PARD6G: variants seen among roughly 807,000 people sequenced by gnomAD.
PARD6G encodes par-6 family cell polarity regulator gamma.
A neutral mutation model predicts 10.7 loss-of-function variants in PARD6G; 7 were observed. That is an observed-to-expected ratio of 0.66 (90% CI 0.37 to 1.23). PARD6G has a LOEUF of 1.23. Ranked by LOEUF, PARD6G falls within the 50% of genes most tolerant of loss-of-function variation. The probability of loss-of-function intolerance (pLI) is 0.02; values close to 1 mark genes in which losing one functional copy is unlikely to be tolerated. For missense variants in PARD6G, 548 were observed against 571.8 expected, an observed-to-expected ratio of 0.96 and a Z score of 0.42; for synonymous variants, 287 against 269.4, an observed-to-expected ratio of 1.07 and a Z score of -0.64.
intron 1 of PARD6G, among the ~76,000 whole-genome samples, chr18:80,232,174 C>T (rs955852805): frequency 6.6e-6 from 1 of 152,062 alleles, no homozygotes. Context: ...GGTTCTGCCC[C>T]CGCCCCCCAA....
rs777547687 is a variant in PARD6G, at chr18:80,180,601, T to C, written c.296-19995A>G. Among the ~76,000 whole-genome samples, 3 of 152,210 alleles carry C rather than the reference T, an allele frequency of 2.0e-5. No homozygotes were observed. Among genetic ancestry groups the C allele is most frequent in the Non-Finnish European group, 4.4e-5 (3 of 68,012 alleles). On this transcript the variant is annotated intron_variant, in intron 2 of 2. Coordinates refer to ENST00000353265, the MANE Select transcript of PARD6G (RefSeq NM_032510.4). The surrounding 1 kb of genome is among the most constrained non-coding windows in gnomAD (Gnocchi z 5.6). ...AATCACATTCTCAAGCTTAACTGTCTCTATGGCACCGCAAATGGCAGGGCT... is the reference window on the plus strand; with the variant it reads ...AATCACATTCTCAAGCTTAACTGTCCCTATGGCACCGCAAATGGCAGGGCT...
chr18:80,243,128 G>A (rs567244651), intron 1 of PARD6G, among the ~76,000 whole-genome samples: 17 of 152,060 alleles, frequency 1.1e-4, no homozygotes, highest in South Asian at 6.2e-4. Context: ...TTTTATATGT[G>A]TATATTCTAT....
intron 2 of PARD6G, among the ~76,000 whole-genome samples, chr18:80,191,031 C>T (rs968153358): frequency 4.6e-5 from 7 of 152,250 alleles, no homozygotes; most frequent in African/African-American, 1.7e-4. Context: ...GGTAAAACAA[C>T]TGTGGCAGGG....
intron 2 of PARD6G, among the ~76,000 whole-genome samples, chr18:80,160,947 G>A (rs1254634982): frequency 6.6e-6 from 1 of 152,190 alleles, no homozygotes; most frequent in African/African-American, 2.4e-5. Flanking sequence ...GAGGCAGCAG[G>A]CTGGACTGGG....
rs1275504835 is a variant in PARD6G, at chr18:80,182,374, A to G, written c.295+20336T>C. 3.3e-5 allele frequency among the ~76,000 whole-genome samples: 5 copies of G among 152,356 alleles called. No individual in the cohort carries two copies. In the East Asian group the frequency reaches 9.6e-4, roughly 29 times the overall value. Reference sequence around the variant, plus strand: ...CTCTCACATGGACAGTGAGGGTGTGACAGGCCCTGAAGAACAGGTTCTGTG... The same window carrying G: ...CTCTCACATGGACAGTGAGGGTGTGGCAGGCCCTGAAGAACAGGTTCTGTG... On this transcript the variant is annotated intron_variant, in intron 2 of 2. Coordinates refer to ENST00000353265, the MANE Select transcript of PARD6G (RefSeq NM_032510.4). This position sits in a 1 kb window ranked among gnomAD's most constrained non-coding sequence, Gnocchi z 4.5.
chr18:80,177,216 G>GTGCACACACA (rs1555734807), intron 2 of PARD6G, among the ~76,000 whole-genome samples: 1 of 48,134 alleles, frequency 2.1e-5, no homozygotes, highest in African/African-American at 1.9e-4. Flanking sequence ...TAAATGGGAA[G>GTGCACACACA]CGCACACACA....
rs1599857084 is a variant in PARD6G, at chr18:80,188,768, G to T, written c.295+13942C>A. 6.6e-6 allele frequency among the ~76,000 whole-genome samples: 1 copy of T among 152,188 alleles called. No homozygotes were observed. The highest frequency in any genetic ancestry group is 1.5e-5 in the Non-Finnish European group (1 of 68,026). ...GCTCTCGGCCAGTCACCCTGGCCTG[G>T]GATGGCCGGGGTACAGCAAGTGACA... On this transcript the variant is annotated intron_variant, in intron 2 of 2. Coordinates refer to ENST00000353265, the MANE Select transcript of PARD6G (RefSeq NM_032510.4). This position sits in a 1 kb window ranked among gnomAD's most constrained non-coding sequence, Gnocchi z 5.4.
rs943835049 is a variant in PARD6G at position 80,158,893 on chromosome 18, G to A, written c.*878C>T. 11 of 152,170 alleles carry A rather than the reference G, an allele frequency of 7.2e-5. No individual in the cohort carries two copies. Among genetic ancestry groups the A allele is most frequent in the Admixed American group, 3.3e-4 (5 of 15,276 alleles). 9.4% of individuals were successfully genotyped at this position (152,170 alleles called of 1,614,324 possible). A position where few individuals can be genotyped will look rare whatever the true frequency, so the allele number is the denominator to read the frequency against. Reference sequence around the variant, plus strand: ...CCACAGCTGCGGGTGCCATAAGTGTGCTGGTGGGAGCTCTCCTGTCCCAAC... The same window carrying A: ...CCACAGCTGCGGGTGCCATAAGTGTACTGGTGGGAGCTCTCCTGTCCCAAC... On this transcript the variant is annotated 3_prime_UTR_variant, in exon 3 of 3. Transcript: ENST00000353265.
chr18:80,214,189 G>A (rs1344257107), intron 1 of PARD6G, among the ~76,000 whole-genome samples: 6 of 152,142 alleles, frequency 3.9e-5, no homozygotes, highest in African/African-American at 1.4e-4. Context: ...CAGGCGCGGT[G>A]GCTCACGCCT....
At chr18:80,235,770 C>T (rs539115612) in intron 1 of PARD6G, among the ~76,000 whole-genome samples, 3,871 of 152,138 alleles carry the variant, frequency 0.025, 161 homozygotes, top group African/African-American at 0.089. Flanking sequence ...ATAAATTCCT[C>T]GACACATACA....
intron 2 of PARD6G, among the ~76,000 whole-genome samples, chr18:80,197,275 G>A (rs571064051): frequency 6.3e-4 from 96 of 152,292 alleles, no homozygotes; most frequent in African/African-American, 2.1e-3. Flanking sequence ...TTATAAGCAG[G>A]ATTTCTATGC....
chr18:80,161,029 A>C lies in PARD6G; in HGVS notation c.296-423T>G, dbSNP rs2052697552. On this transcript the variant is annotated intron_variant, in intron 2 of 2. Transcript: ENST00000353265. The surrounding 1 kb of genome is among the most constrained non-coding windows in gnomAD (Gnocchi z 4.6). ...GTAAGACGGAGGCTCGTTTTTTTCT[A>C]AGGTTAATTACAACTAAGAGAGACC... Among the ~76,000 whole-genome samples the C allele has an allele frequency of 6.6e-6, 1 of 152,034 alleles. No individual in the cohort carries two copies. Among genetic ancestry groups the C allele is most frequent in the East Asian group, 1.9e-4 (1 of 5,182 alleles).
intron 2 of PARD6G, among the ~76,000 whole-genome samples, chr18:80,168,513 T>G (rs190406686): frequency 9.2e-5 from 14 of 152,220 alleles, no homozygotes; most frequent in Non-Finnish European, 1.5e-4. Context: ...GGAGTCACAT[T>G]TTTTAGGCAA....
In PARD6G at chr18:80,192,822, G is replaced by A. The variant is rs1039184723; in HGVS notation, c.295+9888C>T. Reference sequence around the variant, plus strand: ...TGGGCAGGGACCCTCCTGGCTCGCCGGCCGTGGGAGCTGGGCTGTCAGTCC... The same window carrying A: ...TGGGCAGGGACCCTCCTGGCTCGCCAGCCGTGGGAGCTGGGCTGTCAGTCC... On this transcript the variant is annotated intron_variant, in intron 2 of 2. Coordinates refer to ENST00000353265, the MANE Select transcript of PARD6G (RefSeq NM_032510.4). This position sits in a 1 kb window ranked among gnomAD's most constrained non-coding sequence, Gnocchi z 4.9. Among the ~76,000 whole-genome samples the A allele has an allele frequency of 1.3e-5, 2 of 152,054 alleles. No homozygotes were observed. The highest frequency in any genetic ancestry group is 2.1e-4 in the South Asian group (1 of 4,834).
At chr18:80,168,881 C>G (rs2052754880) in intron 2 of PARD6G, 1 of 169,084 alleles carries the variant, frequency 5.9e-6, no homozygotes, top group South Asian at 2.0e-4. Flanking sequence ...TACAAGTTTT[C>G]AAACTAAAGA....
chr18:80,222,865 A>G (rs1967247847), intron 1 of PARD6G, among the ~76,000 whole-genome samples: 1 of 151,944 alleles, frequency 6.6e-6, no homozygotes, highest in Non-Finnish European at 1.5e-5. Context: ...TTGTAGAGAC[A>G]GTGTTTCACC....
intron 2 of PARD6G, among the ~76,000 whole-genome samples, chr18:80,191,028 C>T (rs1266580294): frequency 1.3e-5 from 2 of 152,232 alleles, no homozygotes; most frequent in Non-Finnish European, 2.9e-5. Flanking sequence ...AACGGTAAAA[C>T]AACTGTGGCA....
chr18:80,191,812 A>G, intron 2 of PARD6G, among the ~76,000 whole-genome samples: 1 of 152,208 alleles, frequency 6.6e-6, no homozygotes, highest in East Asian at 1.9e-4. Flanking sequence ...AATTCCTATG[A>G]TTTTGATACA....
At chr18:80,229,285 A>G (rs778356409) in intron 1 of PARD6G, among the ~76,000 whole-genome samples, 10 of 152,230 alleles carry the variant, frequency 6.6e-5, no homozygotes, top group Non-Finnish European at 1.0e-4. Context: ...AGCCTTTACA[A>G]TATAGTAAAT....
Sources: allele counts gnomAD v4.1 joint callset (sites outside exome capture counted in the v4.1 genomes callset), GRCh38; gene constraint gnomAD v4.1.1; non-coding constraint Gnocchi (gnomAD v3.1); transcripts MANE v1.5; gene names NCBI Gene and HGNC (gene_info 2026-07-23, HGNC 2026-07-21).